The following TMEM171 variants were observed in gnomAD, a reference collection of about 807,000 sequenced individuals.
The protein encoded by TMEM171 is transmembrane protein 171.
A neutral mutation model predicts 19.1 loss-of-function variants in TMEM171; 16 were observed. The ratio of observed to expected loss-of-function variants is 0.84; its 90% CI spans 0.57 to 1.27. The LOEUF (loss-of-function observed/expected upper bound fraction) is 1.27, where lower values mean the gene tolerates loss of function less well. Ranked by LOEUF, TMEM171 falls within the 50% of genes most tolerant of loss-of-function variation. The probability of loss-of-function intolerance (pLI) is 0.00; values close to 1 mark genes in which losing one functional copy is unlikely to be tolerated. For missense variants in TMEM171, 429 were observed against 412.7 expected, an observed-to-expected ratio of 1.04 and a Z score of -0.34; for synonymous variants, 153 against 163.4, an observed-to-expected ratio of 0.94 and a Z score of 0.48.
chr5:73,123,168 T>C (rs932290444), intron 1 of TMEM171, 138 bp from the exon 2 acceptor site: 2 of 634,272 alleles, frequency 3.2e-6, no homozygotes, highest in Non-Finnish European at 5.1e-6. Context: ...CAACTCATTG[T>C]TCTACAGCTT....
At position 73,131,687 on chromosome 5, in the gene TMEM171, C is replaced by T. The variant is rs962070456; in HGVS notation, c.932C>T (p.Ala311Val). 1.2e-6 allele frequency: 2 copies of T among 1,613,822 alleles called. No individual in the cohort carries two copies. Among genetic ancestry groups the T allele is most frequent in the Non-Finnish European group, 1.7e-6 (2 of 1,179,890 alleles). ...AGATATGAAGAAAAAGAAAATGCTG[C>T]AGCTACATTCTTGCCTCTATCTTCT... ...PPRYEEKENAAATFLPLSSEP... is the reference protein window; with the variant it reads ...PPRYEEKENAVATFLPLSSEP... Residue 311 changes from alanine (A) to valine (V), a missense_variant, in exon 4 of 4, where the codon GCA (alanine) becomes GTA (valine). Transcript: ENST00000454765.
chr5:73,129,107 C>T (rs1406188164), intron 3 of TMEM171, among the ~76,000 whole-genome samples: 2 of 152,084 alleles, frequency 1.3e-5, no homozygotes, highest in African/African-American at 4.8e-5. Context: ...AATGCACAAA[C>T]GAAGCAAGGA....
intron 1 of TMEM171, among the ~76,000 whole-genome samples, chr5:73,121,854 C>T (rs2112918215): frequency 6.6e-6 from 1 of 152,256 alleles, no homozygotes; most frequent in Middle Eastern, 3.4e-3. Flanking sequence ...ATGTGAGCGG[C>T]ACAAAATATT....
At chr5:73,129,999 T>C (rs531301387) in intron 3 of TMEM171, among the ~76,000 whole-genome samples, 1 of 151,968 alleles carries the variant, frequency 6.6e-6, no homozygotes, top group South Asian at 2.1e-4. Context: ...GAGAATGACA[T>C]TGAGGAAGAG....
intron 2 of TMEM171, among the ~76,000 whole-genome samples, chr5:73,126,120 C>T (rs1181193560): frequency 1.3e-5 from 2 of 152,148 alleles, no homozygotes; most frequent in Non-Finnish European, 2.9e-5. Context: ...GCTGCTGGGC[C>T]AAAGGGCTGG....
Position 73,120,673 on chromosome 5 carries a change from G to A in TMEM171, c.-92G>A. 1.0e-6 allele frequency: 1 copy of A among 984,368 alleles called. No homozygotes were observed. Among genetic ancestry groups the A allele is most frequent in the Non-Finnish European group, 1.2e-6 (1 of 829,668 alleles). 61.0% of individuals were successfully genotyped at this position (984,368 alleles called of 1,614,324 possible). A position where few individuals can be genotyped will look rare whatever the true frequency, so the allele number is the denominator to read the frequency against. On this transcript the variant is annotated 5_prime_UTR_variant, in exon 1 of 4. Transcript: ENST00000454765. ...GCCAGTGCCCACAGCAGCGCGGTCA[G>A]CCAGGCGCCGGACCCAGCTTCAGGT...
chr5:73,128,550 A>C lies in TMEM171; in HGVS notation c.782+19A>C. ...ACTATGGGTAAGAATTTCAATTTGA[A>C]CTTCAAGAGAGGCCTGAATTCAGGC... On this transcript the variant is annotated intron_variant, in intron 3 of 3. Transcript: ENST00000454765. 1 of 1,612,988 alleles carries C rather than the reference A, an allele frequency of 6.2e-7. No homozygotes were observed. Among genetic ancestry groups the C allele is most frequent in the Non-Finnish European group, 8.5e-7 (1 of 1,179,130 alleles).
chr5:73,130,351 C>T (rs1478097898), intron 3 of TMEM171, among the ~76,000 whole-genome samples: 2 of 151,966 alleles, frequency 1.3e-5, no homozygotes, highest in African/African-American at 4.8e-5. Context: ...GAATGGGAAA[C>T]CAGGGTTTAG....
intron 2 of TMEM171, among the ~76,000 whole-genome samples, chr5:73,127,083 T>A (rs1744180652): frequency 6.6e-6 from 1 of 152,068 alleles, no homozygotes; most frequent in South Asian, 2.1e-4. Context: ...TAAATAACAG[T>A]TAGGGGCTGT....
chr5:73,127,404 TATAA>T (rs1180792881), intron 2 of TMEM171, among the ~76,000 whole-genome samples: 3 of 136,548 alleles, frequency 2.2e-5, no homozygotes, highest in African/African-American at 8.4e-5. Flanking sequence ...TATATATATA[TATAA>T]AGCATAAACA....
Position 73,131,639 on chromosome 5 carries a change from A to G in TMEM171, c.884A>G (p.His295Arg), listed in dbSNP as rs780136380. The change falls in exon 4 of 4, where the codon CAT (histidine) becomes CGT (arginine). Residue 295 changes from histidine to arginine, a missense_variant. By Grantham distance (29) the His-to-Arg change is conservative. Transcript: ENST00000454765. ...TCTTCTGAGGCCTCACACACTCCACATCTTCCATCTGAATTGCCTCCTAGA... is the reference window on the plus strand; with the variant it reads ...TCTTCTGAGGCCTCACACACTCCACGTCTTCCATCTGAATTGCCTCCTAGA... ...NSSSEASHTP[H>R]LPSELPPRYE... 1 of 1,613,994 alleles carries G rather than the reference A, an allele frequency of 6.2e-7. No homozygotes were observed.
intron 2 of TMEM171, among the ~76,000 whole-genome samples, chr5:73,125,337 C>T (rs139519741): frequency 2.0e-5 from 3 of 152,268 alleles, no homozygotes; most frequent in African/African-American, 7.2e-5. Flanking sequence ...TTCATTCACA[C>T]CTACAGCAAT....
chr5:73,123,518 T>C lies in TMEM171; in HGVS notation c.145T>C (p.Tyr49His), dbSNP rs1561511483. ...LSIFGFQACQ[Y>H]KPLPDCPMVL... Reference sequence around the variant, plus strand: ...CATCTTTGGGTTCCAGGCATGCCAATATAAGCCCCTCCCAGACTGCCCCAT... The same window carrying C: ...CATCTTTGGGTTCCAGGCATGCCAACATAAGCCCCTCCCAGACTGCCCCAT... The change falls in exon 2 of 4, where the codon TAT (tyrosine) becomes CAT (histidine). Residue 49 changes from tyrosine to histidine, a missense_variant. Coordinates refer to ENST00000454765, the MANE Select transcript of TMEM171 (RefSeq NM_173490.8). 1.2e-6 allele frequency: 2 copies of C among 1,614,166 alleles called. No individual in the cohort carries two copies. The highest frequency in any genetic ancestry group is 2.2e-5 in the East Asian group (1 of 44,884).
intron 2 of TMEM171, 69 bp from the exon 3 acceptor site, chr5:73,128,321 A>G: frequency 6.4e-6 from 10 of 1,573,146 alleles, no homozygotes; most frequent in Non-Finnish European, 8.7e-6. Flanking sequence ...TATATAATTA[A>G]TTTTGCTTTT....
At chr5:73,127,384 A>AAAAAAT in intron 2 of TMEM171, among the ~76,000 whole-genome samples, 4 of 81,684 alleles carry the variant, frequency 4.9e-5, no homozygotes, top group African/African-American at 2.6e-4. Context: ...AAAAAAAAAA[A>AAAAAAT]ATATATATAT....
intron 3 of TMEM171, among the ~76,000 whole-genome samples, chr5:73,130,456 G>T (rs898854967): frequency 6.6e-6 from 1 of 152,172 alleles, no homozygotes; most frequent in Admixed American, 6.5e-5. Flanking sequence ...AGCAGGCACA[G>T]AGAGACTGGT....
Position 73,128,546 on chromosome 5 carries a change from T to G in TMEM171, c.782+15T>G, listed in dbSNP as rs144446190. 143 of 1,613,540 alleles carry G rather than the reference T, an allele frequency of 8.9e-5. 1 individual carries two copies. The African/African-American group carries it at 1.8e-3, about 20-fold the overall frequency. On this transcript the variant is annotated intron_variant, in intron 3 of 3. Coordinates refer to ENST00000454765, the MANE Select transcript of TMEM171 (RefSeq NM_173490.8). ...TTCAACTATGGGTAAGAATTTCAAT[T>G]TGAACTTCAAGAGAGGCCTGAATTC... is the stretch of plus-strand genomic sequence containing the variant.
In TMEM171 at chr5:73,127,666, A is replaced by G. The variant is rs189209419; in HGVS notation, c.641-724A>G. Among the ~76,000 whole-genome samples the G allele has an allele frequency of 3.1e-3, 467 of 150,054 alleles. 2 individuals are homozygous for G. Among genetic ancestry groups the G allele is most frequent in the African/African-American group, 0.011 (451 of 40,608 alleles). ...CGCCGTGTTGGCCAGGCTGGTCTTG[A>G]ACTCCTGACCTCAAGTGATCCACCC... is the stretch of plus-strand genomic sequence containing the variant. On this transcript the variant is annotated intron_variant, in intron 2 of 3. Transcript: ENST00000454765.
At chr5:73,120,874 A>G (rs1402054159) in intron 1 of TMEM171, among the ~76,000 whole-genome samples, 178 bp downstream of exon 1, 1 of 152,178 alleles carries the variant, frequency 6.6e-6, no homozygotes, top group East Asian at 1.9e-4. Flanking sequence ...AAAAGCCGCA[A>G]ACCGATTTCG....
Sources: gnomAD v4.1 joint callset for allele counts (sites outside exome capture counted in the v4.1 genomes callset) on GRCh38, gnomAD v4.1.1 for gene constraint, MANE v1.5 for transcripts, NCBI Gene and HGNC (gene_info 2026-07-23, HGNC 2026-07-21) for gene names.